The following WNT11 variants were observed in gnomAD, a reference collection of about 807,000 sequenced individuals.
WNT11 encodes Wnt family member 11, also known as protein Wnt-11.
Under a neutral mutation model 35.6 loss-of-function variants are expected in WNT11, and 20 were observed. The observed-to-expected ratio is 0.56, with a 90% CI of 0.40 to 0.82. WNT11 has a LOEUF of 0.82. Ranked by LOEUF, WNT11 falls within the 40% of genes least tolerant of loss-of-function variation. WNT11 has a pLI of 0.00. For synonymous variants in WNT11, 200 were observed against 211.9 expected, an observed-to-expected ratio of 0.94 and a Z score of 0.49; for missense variants, 459 against 504.4, an observed-to-expected ratio of 0.91 and a Z score of 0.86.
At chr11:76,209,878 G>A (rs950132725), upstream of WNT11, among the ~76,000 whole-genome samples, 1 of 151,836 alleles carries the variant, frequency 6.6e-6, no homozygotes, top group African/African-American at 2.4e-5. Flanking sequence ...CGGGGCCGGG[G>A]ACAGGACTTT....
At chr11:76,195,327 C>A (rs1000991338) in intron 2 of WNT11, among the ~76,000 whole-genome samples, 1 of 152,232 alleles carries the variant, frequency 6.6e-6, no homozygotes, top group Non-Finnish European at 1.5e-5. Context: ...CATACCGGAT[C>A]AGGGTGGGCC....
upstream of WNT11, among the ~76,000 whole-genome samples, chr11:76,209,832 C>G (rs1953533904): frequency 6.6e-6 from 1 of 151,060 alleles, no homozygotes. Context: ...CGTGCGCGAG[C>G]TCAGCCAGAT....
intron 1 of WNT11, among the ~76,000 whole-genome samples, chr11:76,200,157 C>T (rs1026542123): frequency 6.6e-6 from 1 of 152,010 alleles, no homozygotes; most frequent in Admixed American, 6.5e-5. Flanking sequence ...GCGTGACTCG[C>T]CCTGTGTAAG....
intron 1 of WNT11, among the ~76,000 whole-genome samples, chr11:76,203,483 C>T (rs985208023): frequency 2.6e-5 from 4 of 152,326 alleles, no homozygotes; most frequent in African/African-American, 9.6e-5. Context: ...TGGGACTCCC[C>T]TCAAACCCTC....
Position 76,196,481 on chromosome 11 carries a change from A to G in WNT11, c.319+2T>C. 1 of 1,612,986 alleles carries G rather than the reference A, an allele frequency of 6.2e-7. No homozygotes were observed. ...GCATTCAGCAGCCTCGCCAGCTCCT[A>G]CCTCTCTCCAGGTCAAGCAAATAGT... On this transcript the variant is annotated splice_donor_variant, in intron 2 of 4. Transcript: ENST00000322563. LOFTEE classifies it high-confidence loss of function.
intron 1 of WNT11, among the ~76,000 whole-genome samples, chr11:76,205,170 A>T (rs1350186607): frequency 6.6e-6 from 1 of 152,080 alleles, no homozygotes; most frequent in Non-Finnish European, 1.5e-5. Context: ...TCAATTAATC[A>T]ATAACTTGGC....
upstream of WNT11, among the ~76,000 whole-genome samples, chr11:76,207,353 A>C (rs1953490699): frequency 6.6e-6 from 1 of 152,178 alleles, no homozygotes; most frequent in Non-Finnish European, 1.5e-5. Flanking sequence ...ACAAGAGCGA[A>C]ACTCCGTCTC....
chr11:76,195,311 C>T (rs896710664), intron 2 of WNT11, among the ~76,000 whole-genome samples: 8 of 152,186 alleles, frequency 5.3e-5, no homozygotes, highest in Non-Finnish European at 8.8e-5. Flanking sequence ...GGGGCTGAGA[C>T]GAGGTCATAC....
At chr11:76,197,013 A>C (rs1253261245) in intron 1 of WNT11, among the ~76,000 whole-genome samples, 1 of 152,186 alleles carries the variant, frequency 6.6e-6, no homozygotes, top group Non-Finnish European at 1.5e-5. Flanking sequence ...TACTAACAAA[A>C]CAGCTGTACA....
chr11:76,194,711 C>T lies in WNT11; in HGVS notation c.453G>A (p.Gly151=). ...TGTCCGCACATCCTCCCCAGCGGTT[C>T]CCGGGCCCGGGTGGCTCACCTGGGA... is the stretch of plus-strand genomic sequence containing the variant. The part of the protein sequence containing the change: ...GPVPGEPPGP[G]NRWGGCADNL... The change falls in exon 3 of 5, where the codon GGG becomes GGA. Residue 151 remains glycine, a synonymous_variant. Coordinates refer to ENST00000322563, the MANE Select transcript of WNT11 (RefSeq NM_004626.3). The surrounding 1 kb of genome is among the most constrained non-coding windows in gnomAD (Gnocchi z 5.4). The T allele has an allele frequency of 6.4e-7, 1 of 1,550,508 alleles. No individual in the cohort carries two copies. Among genetic ancestry groups the T allele is most frequent in the Non-Finnish European group, 8.7e-7 (1 of 1,147,014 alleles).
intron 1 of WNT11, among the ~76,000 whole-genome samples, chr11:76,202,181 G>A (rs1270305940): frequency 6.6e-6 from 1 of 152,218 alleles, no homozygotes; most frequent in Non-Finnish European, 1.5e-5. Context: ...GCGCCACCCA[G>A]AATGTAGCCT....
At position 76,206,316 on chromosome 11, in the gene WNT11, C is replaced by T. The variant is rs769317609; in HGVS notation, c.83+9G>A. ...GGCCTGTGCGCGTGGACGCGGGGTC[C>T]CTACTCACAGCCACTTGATGCCATA... On this transcript the variant is annotated intron_variant, in intron 1 of 4. Transcript: ENST00000322563. 3 of 1,546,856 alleles carry T rather than the reference C, an allele frequency of 1.9e-6. No individual in the cohort carries two copies. Among genetic ancestry groups the T allele is most frequent in the South Asian group, 2.4e-5 (2 of 82,530 alleles).
At chr11:76,202,447 C>G (rs1953394760) in intron 1 of WNT11, among the ~76,000 whole-genome samples, 1 of 152,204 alleles carries the variant, frequency 6.6e-6, no homozygotes, top group Admixed American at 6.5e-5. Flanking sequence ...TTCCCCGTGT[C>G]TCTTTGGGCT....
intron 4 of WNT11, among the ~76,000 whole-genome samples, chr11:76,188,712 C>T (rs950974434): frequency 6.6e-5 from 10 of 152,212 alleles, no homozygotes; most frequent in Admixed American, 4.6e-4. Context: ...GGGCCTTGCC[C>T]GTGGTGAGTA....
chr11:76,194,515 T>C lies in WNT11; in HGVS notation c.597+52A>G. ...TGGGGCAAGCTGGGTGGCCCTTTTC[T>C]GGCCAATGGCACAAGCACAACTATC... On this transcript the variant is annotated intron_variant, in intron 3 of 4. Transcript: ENST00000322563. The surrounding 1 kb of genome is among the most constrained non-coding windows in gnomAD (Gnocchi z 5.4). 7.0e-7 allele frequency: 1 copy of C among 1,437,742 alleles called. No individual in the cohort carries two copies. Among genetic ancestry groups the C allele is most frequent in the Non-Finnish European group, 9.1e-7 (1 of 1,097,226 alleles). The allele number at this position is 1,437,742 out of a possible 1,614,324, so 89.1% of individuals were successfully genotyped here. A position where few individuals can be genotyped will look rare whatever the true frequency, so the allele number is the denominator to read the frequency against.
chr11:76,187,262 G>T (rs765999050), intron 4 of WNT11, 23 bp from the exon 5 acceptor site: 4 of 1,596,156 alleles, frequency 2.5e-6, no homozygotes, highest in Non-Finnish European at 3.4e-6. Flanking sequence ...CAGGAAGGAG[G>T]TCAGTGCATG....
chr11:76,194,979 A>C lies in WNT11; in HGVS notation c.320-135T>G. On this transcript the variant is annotated intron_variant, in intron 2 of 4. Transcript: ENST00000322563. The surrounding 1 kb of genome is among the most constrained non-coding windows in gnomAD (Gnocchi z 5.4). ...GCAGGGGTCGGCACTAGGGCCATTG[A>C]GATGTCACCCCTGCTTCCCCAATTC... The C allele has an allele frequency of 1.8e-6, 2 of 1,098,504 alleles. No homozygotes were observed. The highest frequency in any genetic ancestry group is 2.5e-6 in the Non-Finnish European group (2 of 796,836). The allele number at this position is 1,098,504 out of a possible 1,614,324, so 68.0% of individuals were successfully genotyped here.
At chr11:76,204,640 G>A (rs1465958661) in intron 1 of WNT11, among the ~76,000 whole-genome samples, 1 of 152,188 alleles carries the variant, frequency 6.6e-6, no homozygotes, top group Non-Finnish European at 1.5e-5. Flanking sequence ...AAGAGCCTGG[G>A]GGCTTATTTA....
At position 76,194,714 on chromosome 11, in the gene WNT11, G is replaced by T; in HGVS notation, c.450C>A (p.Pro150=). 6.4e-7 allele frequency: 1 copy of T among 1,550,424 alleles called. No individual in the cohort carries two copies. Among genetic ancestry groups the T allele is most frequent in the Non-Finnish European group, 8.7e-7 (1 of 1,147,050 alleles). ...CCGCACATCCTCCCCAGCGGTTCCC[G>T]GGCCCGGGTGGCTCACCTGGGACGG... ...CGPVPGEPPG[P]GNRWGGCADN... is the part of the protein sequence containing the mutation. Residue 150 remains proline, a synonymous_variant, in exon 3 of 5, where the codon CCC becomes CCA. Transcript: ENST00000322563. The surrounding 1 kb of genome is among the most constrained non-coding windows in gnomAD (Gnocchi z 5.4).
Sources: gnomAD v4.1 joint callset for allele counts (sites outside exome capture counted in the v4.1 genomes callset) on GRCh38, gnomAD v4.1.1 for gene constraint, Gnocchi (gnomAD v3.1) non-coding constraint, MANE v1.5 for transcripts, NCBI Gene and HGNC (gene_info 2026-07-23, HGNC 2026-07-21) for gene names.